Variants in HERC3 observed in about 807,000 individuals in gnomAD.
HERC3 encodes HECT and RLD domain containing E3 ubiquitin protein ligase 3, also known as probable E3 ubiquitin-protein ligase HERC3.
A neutral mutation model predicts 129.9 loss-of-function variants in HERC3; 58 were observed. The observed-to-expected ratio is 0.45, with a 90% CI of 0.36 to 0.56. The LOEUF is 0.56. Ranked by LOEUF, HERC3 falls within the 20% of genes least tolerant of loss-of-function variation. The pLI is 0.00. For missense variants in HERC3, 835 were observed against 1,244.2 expected, an observed-to-expected ratio of 0.67 and a Z score of 4.95; for synonymous variants, 430 against 451.0, an observed-to-expected ratio of 0.95 and a Z score of 0.59.
At chr4:88,680,988 C>G in intron 20 of HERC3, 171 bp from the exon 21 acceptor site, 2 of 980,410 alleles carry the variant, frequency 2.0e-6, no homozygotes, top group Non-Finnish European at 1.2e-6. Context: ...TACATTGCAT[C>G]TTTAAGGGAT....
At chr4:88,645,051 A>G (rs1265139972) in intron 3 of HERC3, among the ~76,000 whole-genome samples, 1 of 152,136 alleles carries the variant, frequency 6.6e-6, no homozygotes, top group African/African-American at 2.4e-5. Context: ...ACTTGGATGT[A>G]CAATATTTTG....
chr4:88,616,889 A>G (rs573855689), intron 3 of HERC3, among the ~76,000 whole-genome samples: 210 of 152,130 alleles, frequency 1.4e-3, no homozygotes, highest in African/African-American at 4.8e-3. Flanking sequence ...GTAGTGATGC[A>G]GAGATTTATT....
the HERC3 span, among the ~76,000 whole-genome samples, chr4:88,540,517 A>G: frequency 1.3e-5 from 2 of 152,328 alleles, no homozygotes; most frequent in South Asian, 2.1e-4. Context: ...GTTAGAAAAC[A>G]CTCTTCAGGA....
the HERC3 span, among the ~76,000 whole-genome samples, chr4:88,586,638 C>T: frequency 2.0e-5 from 3 of 152,120 alleles, no homozygotes; most frequent in African/African-American, 7.2e-5. Context: ...GGATTATAGG[C>T]ATGAGCCACC....
At chr4:88,669,331 G>A (rs537618004) in intron 14 of HERC3, among the ~76,000 whole-genome samples, 39 of 152,228 alleles carry the variant, frequency 2.6e-4, no homozygotes, top group African/African-American at 8.9e-4. Context: ...ATAAGCCAGT[G>A]GTATATCTTC....
intron 7 of HERC3, 23 bp from the exon 8 acceptor site, chr4:88,655,151 C>T: frequency 6.2e-7 from 1 of 1,613,030 alleles, no homozygotes; most frequent in Middle Eastern, 1.7e-4. Context: ...CAGTGAAGTC[C>T]TATGGTGTTT....
At chr4:88,557,726 A>T in the HERC3 span, among the ~76,000 whole-genome samples, 1 of 152,204 alleles carries the variant, frequency 6.6e-6, no homozygotes, top group East Asian at 1.9e-4. Context: ...ACATTAATAC[A>T]ACCACTGTGG....
At chr4:88,555,606 G>T in the HERC3 span, among the ~76,000 whole-genome samples, 1 of 152,102 alleles carries the variant, frequency 6.6e-6, no homozygotes, top group Non-Finnish European at 1.5e-5. Context: ...TTTTAAAAAG[G>T]TATTTTGTGT....
chr4:88,707,336 G>T lies in HERC3; in HGVS notation c.*376G>T. 1 of 219,642 alleles carries T rather than the reference G, an allele frequency of 4.6e-6. No homozygotes were observed. Among genetic ancestry groups the T allele is most frequent in the Non-Finnish European group, 9.2e-6 (1 of 109,074 alleles). The allele number at this position is 219,642 out of a possible 1,614,324, so 13.6% of individuals were successfully genotyped here. A position where few individuals can be genotyped will look rare whatever the true frequency, so the allele number is the denominator to read the frequency against. Reference sequence around the variant, plus strand: ...TGATGTTTTCTCACAGTGCTTCCTTGTCCTTCTCTTAACTTCTCATTCCTC... The same window carrying T: ...TGATGTTTTCTCACAGTGCTTCCTTTTCCTTCTCTTAACTTCTCATTCCTC... On this transcript the variant is annotated 3_prime_UTR_variant, in exon 26 of 26. Transcript: ENST00000402738.
the HERC3 span, among the ~76,000 whole-genome samples, chr4:88,564,976 A>G: frequency 3.3e-5 from 5 of 151,868 alleles, no homozygotes; most frequent in Non-Finnish European, 7.4e-5. Flanking sequence ...TTCTTCATTG[A>G]CCCAATATGC....
chr4:88,587,975 G>C (rs781123191), upstream of HERC3, among the ~76,000 whole-genome samples: 9 of 152,204 alleles, frequency 5.9e-5, no homozygotes, highest in Non-Finnish European at 1.2e-4. Context: ...ACTTCCTAAA[G>C]GCTTTATTGG....
At chr4:88,574,604 T>G in the HERC3 span, among the ~76,000 whole-genome samples, 1 of 152,248 alleles carries the variant, frequency 6.6e-6, no homozygotes, top group African/African-American at 2.4e-5. Flanking sequence ...CTCCAGGCCC[T>G]GACAATCATT....
intron 3 of HERC3, among the ~76,000 whole-genome samples, chr4:88,642,152 A>AAAT (rs1326011944): frequency 5.3e-5 from 8 of 150,546 alleles, no homozygotes; most frequent in African/African-American, 2.0e-4. Flanking sequence ...AAAAAAAAAA[A>AAAT]GGAAGGAAGA....
intron 3 of HERC3, among the ~76,000 whole-genome samples, chr4:88,613,536 A>G (rs1399453156): frequency 6.6e-6 from 1 of 152,222 alleles, no homozygotes; most frequent in Non-Finnish European, 1.5e-5. Context: ...AATGCTTTCA[A>G]CCAGCTTCTC....
chr4:88,632,599 C>T (rs1726897003), intron 3 of HERC3, among the ~76,000 whole-genome samples: 1 of 152,108 alleles, frequency 6.6e-6, no homozygotes, highest in Non-Finnish European at 1.5e-5. Flanking sequence ...TGAAGAGGAA[C>T]CAAATACCAT....
chr4:88,697,939 G>A, intron 23 of HERC3: 3 of 752,004 alleles, frequency 4.0e-6, no homozygotes, highest in Non-Finnish European at 6.4e-6. Flanking sequence ...GCTGACGGCC[G>A]TGTGCTCATA....
At chr4:88,639,602 A>C (rs1727843405) in intron 3 of HERC3, among the ~76,000 whole-genome samples, 1 of 152,260 alleles carries the variant, frequency 6.6e-6, no homozygotes. Flanking sequence ...TGAATTAAAG[A>C]CTTAAATGTA....
chr4:88,559,923 C>T, the HERC3 span, among the ~76,000 whole-genome samples: 4 of 151,338 alleles, frequency 2.6e-5, no homozygotes, highest in African/African-American at 9.7e-5. Context: ...CAAGAGTTCT[C>T]TTTTCTCCAC....
rs1336644067 is a variant in HERC3 at position 88,681,300 on chromosome 4, A to G, written c.2482A>G (p.Lys828Glu). ...TGTAAAGCCTGGCTTGGAAGACTTA[A>G]AGGAGTTGTCACCCACTGAAGGAAG... is the stretch of plus-strand genomic sequence containing the variant. ...LNVKPGLEDL[K>E]ELSPTEGRSL... Residue 828 changes from lysine (K) to glutamate (E), a missense_variant, in exon 21 of 26, where the codon AAG becomes GAG. Transcript: ENST00000402738. 2 of 1,612,780 alleles carry G rather than the reference A, an allele frequency of 1.2e-6. No individual in the cohort carries two copies. The highest frequency in any genetic ancestry group is 8.5e-7 in the Non-Finnish European group (1 of 1,179,632).
Sources: allele counts gnomAD v4.1 joint callset (sites outside exome capture counted in the v4.1 genomes callset), GRCh38; gene constraint gnomAD v4.1.1; transcripts MANE v1.5; gene names NCBI Gene and HGNC (gene_info 2026-07-23, HGNC 2026-07-21).